Variants in CACNA1G observed in about 807,000 individuals in gnomAD.
CACNA1G encodes voltage-dependent T-type calcium channel subunit alpha-1G.
Under a neutral mutation model 219.4 loss-of-function variants are expected in CACNA1G, and 67 were observed. The observed-to-expected ratio is 0.31, with a 90% confidence interval of 0.25 to 0.37. The LOEUF (loss-of-function observed/expected upper bound fraction) is 0.37. CACNA1G is among the 10% of genes least tolerant of loss of function. CACNA1G has a pLI of 1.00. For synonymous variants in CACNA1G, 1,296 were observed against 1,345.3 expected (o/e 0.96, Z 0.80); for missense variants, 2,380 against 3,231.4 (o/e 0.74, Z 6.39).
chr17:50,594,534 G>A (rs1328350145), intron 13 of CACNA1G, among the ~76,000 whole-genome samples: 2 of 152,102 alleles, frequency 1.3e-5, no homozygotes, highest in Non-Finnish European at 2.9e-5. Flanking sequence ...CACAGACTCG[G>A]GTTCCAGGCC....
In CACNA1G at chr17:50,573,044, C is replaced by T; in HGVS notation, c.1071C>T (p.Val357=). 7.0e-6 allele frequency: 11 copies of T among 1,578,502 alleles called. No homozygotes were observed. Among genetic ancestry groups the T allele is most frequent in the South Asian group, 1.2e-5 (1 of 86,438 alleles). ...IFQVITLEGW[V]DIMYFVMDAH... ...AGGTCATCACGCTGGAGGGCTGGGT[C>T]GACATCATGTACTTTGTGATGGATG... The change falls in exon 7 of 38, where the codon GTC becomes GTT. Residue 357 remains valine (V), a synonymous_variant. Transcript: ENST00000359106.
At chr17:50,601,335 G>A (rs775248996) in intron 19 of CACNA1G, among the ~76,000 whole-genome samples, 161 bp downstream of exon 19, 21 of 152,190 alleles carry the variant, frequency 1.4e-4, no homozygotes, top group South Asian at 2.1e-4. Flanking sequence ...CCTGGTCCCC[G>A]GGATGCCCCC....
At chr17:50,590,693 T>G in intron 10 of CACNA1G, 71 bp downstream of exon 10, 1 of 1,450,260 alleles carries the variant, frequency 6.9e-7, no homozygotes, top group Non-Finnish European at 9.5e-7. Context: ...CCAGGGGCCA[T>G]GCCACCTATT....
Position 50,596,407 on chromosome 17 carries a change from G to A in CACNA1G, c.2980-155G>A, listed in dbSNP as rs2145655819. ...CTGGGAAGCCTCGGGCCCCAAGCCT[G>A]GGGGGTCTGGCCTGCGCCGTGCATG... On this transcript the variant is annotated intron_variant, in intron 14 of 37. Coordinates refer to ENST00000359106, the MANE Select transcript of CACNA1G (RefSeq NM_018896.5). This position sits in a 1 kb window ranked among gnomAD's most constrained non-coding sequence, Gnocchi z 4.8. 1.3e-5 allele frequency among the ~76,000 whole-genome samples: 2 copies of A among 152,284 alleles called. No individual in the cohort carries two copies. Among genetic ancestry groups the A allele is most frequent in the East Asian group, 1.9e-4 (1 of 5,182 alleles).
At position 50,611,759 on chromosome 17, in the gene CACNA1G, G is replaced by T. The variant is rs1487067207; in HGVS notation, c.4759+1824G>T. Among the ~76,000 whole-genome samples the T allele has an allele frequency of 5.9e-5, 9 of 152,198 alleles. No homozygotes were observed. The East Asian group carries it at 1.7e-3, about 29-fold the overall frequency. On this transcript the variant is annotated intron_variant, in intron 26 of 37. Transcript: ENST00000359106. ...CCCAAAACATCCTAGCACAGGGCTA[G>T]CCCACAGAGACTTTTCCACCTTGGG... is the stretch of plus-strand genomic sequence containing the variant.
intron 3 of CACNA1G, 46 bp downstream of exon 3, chr17:50,569,344 C>G: frequency 6.2e-7 from 1 of 1,601,160 alleles, no homozygotes; most frequent in Non-Finnish European, 8.5e-7. Flanking sequence ...CAGATCGGTC[C>G]CTTCCCCGGG....
In CACNA1G at chr17:50,561,412, C is replaced by A. The variant is rs948168803; in HGVS notation, c.-48C>A. ...GCGTGAGGACACCTCCTCTGAGGGG[C>A]GCCGCTTGCCCCTCTCCGGATCGCC... On this transcript the variant is annotated 5_prime_UTR_variant, in exon 1 of 38. Transcript: ENST00000359106. 6.5e-7 allele frequency: 1 copy of A among 1,532,756 alleles called. No individual in the cohort carries two copies. The highest frequency in any genetic ancestry group is 2.0e-5 in the Admixed American group (1 of 50,966). The allele number at this position is 1,532,756 out of a possible 1,614,324, so 94.9% of individuals were successfully genotyped here.
intron 25 of CACNA1G, 138 bp from the exon 26 acceptor site, chr17:50,609,744 G>C (rs915203123): frequency 1.2e-5 from 8 of 673,600 alleles, no homozygotes; most frequent in South Asian, 5.7e-5. Flanking sequence ...TGGACATTCA[G>C]AGCCAGCCAC....
chr17:50,561,876 C>T, intron 1 of CACNA1G, 175 bp downstream of exon 1: 1 of 654,246 alleles, frequency 1.5e-6, no homozygotes, highest in Non-Finnish European at 2.3e-6. Context: ...GGAGCGGAGA[C>T]GCGAGCAGGT....
Position 50,595,663 on chromosome 17 carries a change from G to A in CACNA1G, c.2979+602G>A, listed in dbSNP as rs566250236. Among the ~76,000 whole-genome samples, 37 of 152,362 alleles carry A rather than the reference G, an allele frequency of 2.4e-4. 1 individual carries two copies. The East Asian group carries it at 2.9e-3, about 12-fold the overall frequency. On this transcript the variant is annotated intron_variant, in intron 14 of 37. Transcript: ENST00000359106. ...GCTGGCGCTGTCAGGGCTGGCTCCC[G>A]GTCTGGCCCCACGATGAGCCTGTGC...
In CACNA1G at chr17:50,600,641, G is replaced by A; in HGVS notation, c.3691-85G>A. 1.7e-6 allele frequency: 2 copies of A among 1,147,208 alleles called. No homozygotes were observed. The highest frequency in any genetic ancestry group is 1.3e-6 in the Non-Finnish European group (1 of 765,348). The allele number at this position is 1,147,208 out of a possible 1,614,324, so 71.1% of individuals were successfully genotyped here. A position where few individuals can be genotyped will look rare whatever the true frequency, so the allele number is the denominator to read the frequency against. ...CCAGGTGGGAGAGGGTAGACAAGGA[G>A]TGAGGCTCGTGACTCTGCTGAGGAG... On this transcript the variant is annotated intron_variant, in intron 17 of 37. Coordinates refer to ENST00000359106, the MANE Select transcript of CACNA1G (RefSeq NM_018896.5). This position sits in a 1 kb window ranked among gnomAD's most constrained non-coding sequence, Gnocchi z 4.1.
At chr17:50,583,726 G>A (rs1170853030) in intron 9 of CACNA1G, among the ~76,000 whole-genome samples, 6 of 152,114 alleles carry the variant, frequency 3.9e-5, no homozygotes, top group Non-Finnish European at 8.8e-5. Context: ...GAGGGATTAA[G>A]GCACATGCAC....
intron 26 of CACNA1G, among the ~76,000 whole-genome samples, chr17:50,610,212 C>T (rs1489188095): frequency 6.6e-6 from 1 of 152,230 alleles, no homozygotes; most frequent in African/African-American, 2.4e-5. Context: ...CTCCTGCCAC[C>T]TCTTCCCTCC....
At chr17:50,595,278 C>G (rs1203381855) in intron 14 of CACNA1G, among the ~76,000 whole-genome samples, 1 of 152,248 alleles carries the variant, frequency 6.6e-6, no homozygotes, top group Admixed American at 6.5e-5. Context: ...CCCCCATCAA[C>G]CCACCAAGGG....
rs559693517 is a variant in CACNA1G at position 50,601,103 on chromosome 17, G to A, written c.3844G>A (p.Val1282Ile). The A allele has an allele frequency of 5.6e-6, 9 of 1,613,952 alleles. No homozygotes were observed. Among genetic ancestry groups the A allele is most frequent in the South Asian group, 4.4e-5 (4 of 91,082 alleles). Residue 1282 changes from valine to isoleucine, a missense_variant, in exon 19 of 38, where the codon GTC becomes ATC. Transcript: ENST00000359106. ...CACCCACAAGATGTTCGACCACGTGGTCCTTGTCATCATCTTCCTTAACTG... is the reference window on the plus strand; with the variant it reads ...CACCCACAAGATGTTCGACCACGTGATCCTTGTCATCATCTTCCTTAACTG... ...IITHKMFDHV[V>I]LVIIFLNCIT... is the part of the protein sequence containing the mutation.
In CACNA1G at chr17:50,560,887, TC is replaced by T. The variant is rs1023965048; in HGVS notation, c.-570del. Among the ~76,000 whole-genome samples, 2 of 132,636 alleles carry T rather than the reference TC, an allele frequency of 1.5e-5. No individual in the cohort carries two copies. The highest frequency in any genetic ancestry group is 5.7e-5 in the African/African-American group (2 of 34,838). The allele number at this position is 132,636 out of a possible 152,430, so 87.0% of individuals were successfully genotyped here. ...CTGCCCCCCACTGTCTCCCCGCCCC[TC>T]CCGGACAGTGAGCCCGCGGCGGGGC... On this transcript the variant is annotated 5_prime_UTR_variant, in exon 1 of 38. Transcript: ENST00000359106.
Position 50,561,412 on chromosome 17 carries a change from C to G in CACNA1G, c.-48C>G. 3 of 1,532,756 alleles carry G rather than the reference C, an allele frequency of 2.0e-6. No individual in the cohort carries two copies. The highest frequency in any genetic ancestry group is 1.7e-6 in the Non-Finnish European group (2 of 1,146,228). 94.9% of individuals were successfully genotyped at this position (1,532,756 alleles called of 1,614,324 possible). On this transcript the variant is annotated 5_prime_UTR_variant, in exon 1 of 38. Coordinates refer to ENST00000359106, the MANE Select transcript of CACNA1G (RefSeq NM_018896.5). ...GCGTGAGGACACCTCCTCTGAGGGGCGCCGCTTGCCCCTCTCCGGATCGCC... is the reference window on the plus strand; with the variant it reads ...GCGTGAGGACACCTCCTCTGAGGGGGGCCGCTTGCCCCTCTCCGGATCGCC...
intron 26 of CACNA1G, among the ~76,000 whole-genome samples, chr17:50,611,591 G>A (rs190266914): frequency 1.3e-5 from 2 of 152,324 alleles, no homozygotes; most frequent in African/African-American, 4.8e-5. Context: ...GATTGCCAGG[G>A]TCCCCACATC....
chr17:50,626,743 G>A lies in CACNA1G; in HGVS notation c.7126G>A (p.Asp2376Asn). The change falls in exon 38 of 38, where the codon GAC (aspartate) becomes AAC (asparagine). Residue 2376 changes from aspartate to asparagine, a missense_variant. Asp to Asn is a conservative substitution (Grantham distance 23). Transcript: ENST00000359106. The surrounding 1 kb of genome is among the most constrained non-coding windows in gnomAD (Gnocchi z 4.3). ...SGLSSDPADL[D>N]P is the part of the protein sequence containing the mutation. ...TTTATCCTCTGACCCAGCAGACCTG[G>A]ACCCCTGAGTCCTGCCCCACTTTCC... The A allele has an allele frequency of 1.2e-6, 2 of 1,613,126 alleles. No individual in the cohort carries two copies. The highest frequency in any genetic ancestry group is 2.2e-5 in the South Asian group (2 of 91,080).
Sources: allele counts gnomAD v4.1 joint callset (sites outside exome capture counted in the v4.1 genomes callset), GRCh38; gene constraint gnomAD v4.1.1; non-coding constraint Gnocchi (gnomAD v3.1); transcripts MANE v1.5; gene names NCBI Gene and HGNC (gene_info 2026-07-23, HGNC 2026-07-21).